CCDC40: variants seen among roughly 807,000 people sequenced by gnomAD.
CCDC40 encodes the protein coiled-coil domain 40 molecular ruler complex subunit.
A neutral mutation model predicts 124.5 loss-of-function variants in CCDC40; 104 were observed. The observed-to-expected ratio is 0.84, with a 90% CI of 0.71 to 0.98. The LOEUF (loss-of-function observed/expected upper bound fraction) is 0.98, where lower values mean the gene tolerates loss of function less well. Ranked by LOEUF, CCDC40 falls within the 50% of genes least tolerant of loss-of-function variation. The probability of loss-of-function intolerance (pLI) is 0.00; values close to 1 mark genes in which losing one functional copy is unlikely to be tolerated. For missense variants in CCDC40, 1,463 were observed against 1,503.9 expected, an observed-to-expected ratio of 0.97 and a Z score of 0.45; for synonymous variants, 580 against 602.9, an observed-to-expected ratio of 0.96 and a Z score of 0.56.
Position 80,039,707 on chromosome 17 carries a change from T to C in CCDC40, c.94-105T>C, listed in dbSNP as rs991046888. ...GATCTCTTAGTGATGCTGAGAAGGG[T>C]ATAAATGCAGTTTTCCCATTGATAT... On this transcript the variant is annotated intron_variant, in intron 2 of 19. Transcript: ENST00000397545. 40 of 1,420,686 alleles carry C rather than the reference T, an allele frequency of 2.8e-5. No homozygotes were observed. In the African/African-American group the frequency reaches 3.9e-4, roughly 14 times the overall value. 88.0% of individuals were successfully genotyped at this position (1,420,686 alleles called of 1,614,324 possible). A position where few individuals can be genotyped will look rare whatever the true frequency, so the allele number is the denominator to read the frequency against.
chr17:80,075,554 T>G (rs1008833227), intron 10 of CCDC40, among the ~76,000 whole-genome samples: 8 of 152,150 alleles, frequency 5.3e-5, no homozygotes, highest in African/African-American at 1.9e-4. Context: ...GCCTGACACC[T>G]CCATCTGCCG....
At chr17:80,044,952 G>T (rs58650474) in intron 3 of CCDC40, among the ~76,000 whole-genome samples, 51,878 of 151,816 alleles carry the variant, frequency 0.34, 11,557 homozygotes, top group African/African-American at 0.64. Flanking sequence ...GACAGTGTGA[G>T]TGGAGCTTGT....
At chr17:80,090,201 A>T in intron 17 of CCDC40, 8 of 1,194,386 alleles carry the variant, frequency 6.7e-6, no homozygotes, top group East Asian at 2.8e-5. Context: ...GGACGCACGC[A>T]GGCACGTGCA....
intron 17 of CCDC40, 72 bp from the exon 18 acceptor site, chr17:80,095,191 C>T (rs1357504695): frequency 1.8e-5 from 26 of 1,433,356 alleles, no homozygotes; most frequent in Admixed American, 1.2e-4. Flanking sequence ...GCGAGGCCAG[C>T]GCCCCGGCCA....
chr17:80,081,387 AAAAT>A lies in CCDC40; in HGVS notation c.1563-136_1563-133del, dbSNP rs60850594. On this transcript the variant is annotated intron_variant, in intron 10 of 19. Transcript: ENST00000397545. ...GTTACAGAGTGAGACTCTGTCTCAAAAAATAAATAAATAAATAAATAAATAAGAG... is the reference window on the plus strand; with the variant it reads ...GTTACAGAGTGAGACTCTGTCTCAAAAAATAAATAAATAAATAAATAAGAG... 51 of 350,396 alleles carry A rather than the reference AAAAT, an allele frequency of 1.5e-4. 2 individuals are homozygous for A. The highest frequency in any genetic ancestry group is 1.1e-3 in the Middle Eastern group (1 of 926). 21.7% of individuals were successfully genotyped at this position (350,396 alleles called of 1,614,324 possible).
At chr17:80,065,259 A>G (rs1284714877) in intron 9 of CCDC40, among the ~76,000 whole-genome samples, 4 of 134,010 alleles carry the variant, frequency 3.0e-5, no homozygotes, top group Non-Finnish European at 6.3e-5. Flanking sequence ...CTCATTCCCA[A>G]GCACTGAGCA....
At chr17:80,051,861 C>T (rs1249700381) in intron 7 of CCDC40, among the ~76,000 whole-genome samples, 1 of 152,222 alleles carries the variant, frequency 6.6e-6, no homozygotes, top group South Asian at 2.1e-4. Flanking sequence ...CCCTCCGGCT[C>T]CCCTCTGCTA....
At chr17:80,084,228 A>G (rs2038525520) in intron 12 of CCDC40, among the ~76,000 whole-genome samples, 1 of 152,252 alleles carries the variant, frequency 6.6e-6, no homozygotes, top group African/African-American at 2.4e-5. Flanking sequence ...ACAGTTCTGC[A>G]TGGCTGGGGA....
At chr17:80,098,373 C>T (rs957124479) in intron 19 of CCDC40, among the ~76,000 whole-genome samples, 3 of 152,216 alleles carry the variant, frequency 2.0e-5, no homozygotes, top group Non-Finnish European at 4.4e-5. Flanking sequence ...AGCGGGCTCC[C>T]GCGCGCTCTA....
chr17:80,081,397 A>AATAAATAAATAAATAAATAC (rs2038444334), intron 10 of CCDC40, 149 bp from the exon 11 acceptor site: 1 of 535,160 alleles, frequency 1.9e-6, no homozygotes, highest in Non-Finnish European at 3.3e-6. Flanking sequence ...AAAATAAATA[A>AATAAATAAATAAATAAATAC]ATAAATAAAT....
chr17:80,057,038 C>CAAA (rs34229653), intron 7 of CCDC40, among the ~76,000 whole-genome samples: 208 of 110,022 alleles, frequency 1.9e-3, no homozygotes, highest in African/African-American at 5.9e-3. Context: ...GACTCTGTCT[C>CAAA]AAAAAAAAAA....
chr17:80,084,667 G>A lies in CCDC40; in HGVS notation c.1990-76G>A, dbSNP rs919724874. 16 of 1,548,740 alleles carry A rather than the reference G, an allele frequency of 1.0e-5. No individual in the cohort carries two copies. The African/African-American group carries it at 1.4e-4, about 13-fold the overall frequency. ...CCAGAGGAACATCCCGACCGTCAGG[G>A]AACGGTGGATCAGCAAACTCGTCCC... On this transcript the variant is annotated intron_variant, in intron 12 of 19. Transcript: ENST00000397545.
Position 80,086,363 on chromosome 17 carries a change from AT to A in CCDC40, c.2449+151del. 1.5e-6 allele frequency: 1 copy of A among 688,740 alleles called. No homozygotes were observed. The highest frequency in any genetic ancestry group is 2.7e-5 in the East Asian group (1 of 36,620). 42.7% of individuals were successfully genotyped at this position (688,740 alleles called of 1,614,324 possible). A position where few individuals can be genotyped will look rare whatever the true frequency, so the allele number is the denominator to read the frequency against. On this transcript the variant is annotated intron_variant, in intron 14 of 19. Transcript: ENST00000397545. The surrounding 1 kb of genome is among the most constrained non-coding windows in gnomAD (Gnocchi z 5.5). ...AATAACAAACGCGCATGCTCCCTGTATTTTGTAAATGTGAACCACTGCCTGC... is the reference window on the plus strand; with the variant it reads ...AATAACAAACGCGCATGCTCCCTGTATTTGTAAATGTGAACCACTGCCTGC...
chr17:80,078,102 T>A (rs71389729), intron 10 of CCDC40, among the ~76,000 whole-genome samples: 1 of 151,784 alleles, frequency 6.6e-6, no homozygotes, highest in Non-Finnish European at 1.5e-5. Context: ...GAGGCCAAGG[T>A]GGGCGGATCA....
rs187591218 is a variant in CCDC40, at chr17:80,085,903, C to T, written c.2236-100C>T. The T allele has an allele frequency of 6.5e-5, 71 of 1,085,010 alleles. No individual in the cohort carries two copies. The East Asian group carries it at 1.0e-3, about 16-fold the overall frequency. The allele number at this position is 1,085,010 out of a possible 1,614,324, so 67.2% of individuals were successfully genotyped here. A position where few individuals can be genotyped will look rare whatever the true frequency, so the allele number is the denominator to read the frequency against. On this transcript the variant is annotated intron_variant, in intron 13 of 19. Coordinates refer to ENST00000397545, the MANE Select transcript of CCDC40 (RefSeq NM_017950.4). ...CAGGCTGGTCTTGAACTCCTGACCT[C>T]GGGTGATCCACCCGCCTCAGCCTCC...
chr17:80,061,109 G>T (rs1038799586), intron 9 of CCDC40, among the ~76,000 whole-genome samples: 2 of 152,212 alleles, frequency 1.3e-5, no homozygotes, highest in African/African-American at 4.8e-5. Flanking sequence ...ACTTTGGGAG[G>T]CCGAGGCCGC....
At chr17:80,045,683 G>A (rs914521378) in intron 3 of CCDC40, among the ~76,000 whole-genome samples, 3 of 152,006 alleles carry the variant, frequency 2.0e-5, no homozygotes, top group Non-Finnish European at 4.4e-5. Flanking sequence ...CAGCCTGGGC[G>A]ACAGAGCGAG....
At chr17:80,092,488 C>T (rs781065686) in intron 17 of CCDC40, among the ~76,000 whole-genome samples, 42 of 152,330 alleles carry the variant, frequency 2.8e-4, no homozygotes, top group Middle Eastern at 3.4e-3. Flanking sequence ...CCATGCCTGT[C>T]GTTTTGGCTT....
At chr17:80,083,521 G>T (rs376674185) in intron 12 of CCDC40, among the ~76,000 whole-genome samples, 2 of 152,212 alleles carry the variant, frequency 1.3e-5, no homozygotes, top group African/African-American at 4.8e-5. Flanking sequence ...AGGAGCCGAC[G>T]GGCAGGGGTG....
Sources: gnomAD v4.1 joint callset for allele counts (sites outside exome capture counted in the v4.1 genomes callset) on GRCh38, gnomAD v4.1.1 for gene constraint, Gnocchi (gnomAD v3.1) non-coding constraint, MANE v1.5 for transcripts, NCBI Gene and HGNC (gene_info 2026-07-23, HGNC 2026-07-21) for gene names.